The following HSPA14 variants were observed in gnomAD, a reference collection of about 807,000 sequenced individuals.
HSPA14 encodes heat shock 70 kDa protein 14.
HSPA14 carries 37 observed loss-of-function variants against 65.5 expected under a neutral mutation model. The ratio of observed to expected loss-of-function variants is 0.56; its 90% CI spans 0.43 to 0.74. HSPA14 has a LOEUF of 0.74. Among genes scored for constraint, HSPA14 ranks in the 30% least tolerant of loss-of-function variants. The pLI, the probability that HSPA14 is intolerant of heterozygous loss-of-function variation, is 0.00. For missense variants in HSPA14, 564 were observed against 607.6 expected (o/e 0.93, Z 0.75); for synonymous variants, 203 against 214.2 (o/e 0.95, Z 0.46).
intron 3 of HSPA14, chr10:14,846,900 C>T (rs1258000912): frequency 1.0e-6 from 1 of 985,302 alleles, no homozygotes; most frequent in African/African-American, 1.7e-5. Context: ...TCCTCAAGTC[C>T]ATCATGTAAA....
intron 10 of HSPA14, among the ~76,000 whole-genome samples, chr10:14,863,501 A>G (rs1260882125): frequency 6.6e-6 from 1 of 152,232 alleles, no homozygotes; most frequent in Non-Finnish European, 1.5e-5. Flanking sequence ...CATCATCTGA[A>G]CAAGGTGTCT....
intron 1 of HSPA14, among the ~76,000 whole-genome samples, chr10:14,839,254 G>A (rs1225428333): frequency 6.6e-6 from 1 of 152,214 alleles, no homozygotes; most frequent in Admixed American, 6.5e-5. Flanking sequence ...AAGCCAAAGG[G>A]AATAATACTA....
At chr10:14,869,989 T>A (rs1832840813) in intron 12 of HSPA14, among the ~76,000 whole-genome samples, 1 of 152,244 alleles carries the variant, frequency 6.6e-6, no homozygotes, top group Non-Finnish European at 1.5e-5. Flanking sequence ...AGGTACTTAG[T>A]AACTTACCTA....
intron 12 of HSPA14, among the ~76,000 whole-genome samples, chr10:14,868,527 G>A (rs146460193): frequency 0.014 from 2,059 of 148,000 alleles, 45 homozygotes; most frequent in African/African-American, 0.05. Context: ...ACACACACAC[G>A]GACTGCAGAA....
chr10:14,838,351 T>A lies in HSPA14; in HGVS notation c.-52T>A. 6.5e-7 allele frequency: 1 copy of A among 1,543,712 alleles called. No individual in the cohort carries two copies. The highest frequency in any genetic ancestry group is 8.8e-7 in the Non-Finnish European group (1 of 1,140,412). ...ATGGGGCCGTTGGGCGGCCGGTAGC[T>A]GTTGCTGTTGGGGGACCCCCTCATT... is the stretch of plus-strand genomic sequence containing the variant. On this transcript the variant is annotated 5_prime_UTR_variant, in exon 1 of 14. Coordinates refer to ENST00000378372, the MANE Select transcript of HSPA14 (RefSeq NM_016299.4).
intron 5 of HSPA14, 102 bp downstream of exon 5, chr10:14,848,997 T>TA: frequency 1.6e-6 from 1 of 637,230 alleles, no homozygotes; most frequent in Non-Finnish European, 2.8e-6. Flanking sequence ...AGAAGCAGAG[T>TA]GATTGCACAG....
intron 9 of HSPA14, 124 bp downstream of exon 9, chr10:14,854,404 C>A: frequency 1.3e-6 from 1 of 740,754 alleles, no homozygotes; most frequent in East Asian, 2.7e-5. Flanking sequence ...ATAATGTCTT[C>A]ACTTTATTGG....
At chr10:14,848,724 T>C in intron 4 of HSPA14, 66 bp from the exon 5 acceptor site, 1 of 1,464,290 alleles carries the variant, frequency 6.8e-7, no homozygotes, top group Non-Finnish European at 9.5e-7. Context: ...ACATGGAATG[T>C]TGATTTGAAA....
intron 12 of HSPA14, 57 bp downstream of exon 12, chr10:14,867,966 TCA>T: frequency 7.3e-7 from 1 of 1,365,152 alleles, no homozygotes; most frequent in Non-Finnish European, 1.0e-6. Context: ...TGGATTAGAT[TCA>T]GTTTAATATC....
At chr10:14,849,609 AGT>A in intron 5 of HSPA14, 110 bp from the exon 6 acceptor site, 5 of 856,272 alleles carry the variant, frequency 5.8e-6, no homozygotes, top group Non-Finnish European at 9.6e-6. Flanking sequence ...TGGGCAAGCA[AGT>A]GTATTGGGAA....
chr10:14,844,001 A>G (rs1834011166), intron 3 of HSPA14: 2 of 1,470,200 alleles, frequency 1.4e-6, no homozygotes, highest in East Asian at 2.5e-5. Context: ...AAAAACATGG[A>G]TGAACCATTT....
At chr10:14,857,391 A>G (rs1413827703) in intron 10 of HSPA14, among the ~76,000 whole-genome samples, 4 of 152,240 alleles carry the variant, frequency 2.6e-5, no homozygotes, top group East Asian at 3.8e-4. Flanking sequence ...CCCATCAGCA[A>G]TATATAAAAG....
At chr10:14,845,588 T>A (rs1834038761) in intron 3 of HSPA14, 16 of 933,296 alleles carry the variant, frequency 1.7e-5, no homozygotes, top group Non-Finnish European at 2.0e-5. Flanking sequence ...TGCCCTTTTC[T>A]ATTATTATTA....
rs1278463418 is a variant in HSPA14, at chr10:14,867,225, T to C, written c.1136T>C (p.Ile379Thr). The C allele has an allele frequency of 7.4e-6, 12 of 1,613,674 alleles. 1 individual carries two copies. Among genetic ancestry groups the C allele is most frequent in the Middle Eastern group, 3.3e-4 (2 of 6,074 alleles). Residue 379 changes from isoleucine (I) to threonine (T), a missense_variant, in exon 11 of 14, where the codon ATT becomes ACT. Coordinates refer to ENST00000378372, the MANE Select transcript of HSPA14 (RefSeq NM_016299.4). ...GCAGCTATAGAAGCAGGAATTCTTA[T>C]TGGGAAAGAAAACCTGTTGGTGGAA... ...IGAAIEAGILIGKENLLVEDS... is the reference protein window; with the variant it reads ...IGAAIEAGILTGKENLLVEDS...
In HSPA14 at chr10:14,846,405, C is replaced by T. The variant is rs1231817697; in HGVS notation, c.222-2204C>T. On this transcript the variant is annotated intron_variant, in intron 3 of 13. Transcript: ENST00000378372. ...TATTTGGATGTGGTATTGTGAAATTCAATGGGTAAAGTAACCCTAATGTGG... is the reference window on the plus strand; with the variant it reads ...TATTTGGATGTGGTATTGTGAAATTTAATGGGTAAAGTAACCCTAATGTGG... The T allele has an allele frequency of 4.1e-6, 4 of 985,198 alleles. No homozygotes were observed. In the African/African-American group the frequency reaches 7.0e-5, roughly 17 times the overall value. 61.0% of individuals were successfully genotyped at this position (985,198 alleles called of 1,614,324 possible). A position where few individuals can be genotyped will look rare whatever the true frequency, so the allele number is the denominator to read the frequency against.
intron 13 of HSPA14, 65 bp from the exon 14 acceptor site, chr10:14,871,463 G>T: frequency 1.1e-6 from 1 of 932,370 alleles, no homozygotes; most frequent in Non-Finnish European, 1.7e-6. Context: ...CAAGTAACTT[G>T]TTACAGACTT....
At chr10:14,867,711 A>G (rs1357902693) in intron 11 of HSPA14, 25 bp from the exon 12 acceptor site, 7 of 1,600,804 alleles carry the variant, frequency 4.4e-6, no homozygotes, top group East Asian at 2.2e-5. Flanking sequence ...ACCAAAGAGT[A>G]TGCACCTTGT....
At chr10:14,864,144 G>A (rs142157127) in intron 10 of HSPA14, among the ~76,000 whole-genome samples, 4 of 150,982 alleles carry the variant, frequency 2.6e-5, no homozygotes, top group Admixed American at 6.6e-5. Context: ...CTGGAGCATC[G>A]CTGGAGCCCA....
At chr10:14,859,822 C>A (rs919865941) in intron 10 of HSPA14, among the ~76,000 whole-genome samples, 1 of 152,124 alleles carries the variant, frequency 6.6e-6, no homozygotes, top group African/African-American at 2.4e-5. Flanking sequence ...TAGATGTAAA[C>A]CTTAATTGTT....
Sources: allele counts gnomAD v4.1 joint callset (sites outside exome capture counted in the v4.1 genomes callset), GRCh38; gene constraint gnomAD v4.1.1; transcripts MANE v1.5; gene names NCBI Gene and HGNC (gene_info 2026-07-23, HGNC 2026-07-21).